ROR2: variants seen among roughly 807,000 people sequenced by gnomAD.
ROR2 encodes the protein ROR family WNT receptor 2.
ROR2 carries 33 observed loss-of-function variants against 74.9 expected under a neutral mutation model. The ratio of observed to expected loss-of-function variants is 0.44; its 90% CI spans 0.33 to 0.59. ROR2 has a LOEUF of 0.59. ROR2 is among the 20% of genes least tolerant of loss of function. ROR2 has a pLI of 0.02. For missense variants in ROR2, 1,216 were observed against 1,313.8 expected, an observed-to-expected ratio of 0.93 and a Z score of 1.15; for synonymous variants, 586 against 558.7, an observed-to-expected ratio of 1.05 and a Z score of -0.69.
intron 1 of ROR2, among the ~76,000 whole-genome samples, chr9:91,840,899 G>GAGACCAT (rs1374100286): frequency 6.6e-6 from 1 of 152,242 alleles, no homozygotes. Flanking sequence ...TGCATTTGTT[G>GAGACCAT]TATCCTATAC....
chr9:91,852,651 C>CACACA (rs1231343818), intron 1 of ROR2, among the ~76,000 whole-genome samples: 4,740 of 143,152 alleles, frequency 0.033, 115 homozygotes, highest in African/African-American at 0.051. Flanking sequence ...ACACACACAC[C>CACACA]CACACACACA....
chr9:91,744,523 C>G (rs1268279901), intron 4 of ROR2, among the ~76,000 whole-genome samples: 2 of 152,132 alleles, frequency 1.3e-5, no homozygotes, highest in Admixed American at 6.5e-5. Context: ...CCACGCCCAG[C>G]TGAAGCTGAA....
intron 1 of ROR2, among the ~76,000 whole-genome samples, chr9:91,939,715 GA>G (rs1156312257): frequency 1.3e-5 from 2 of 152,068 alleles, no homozygotes; most frequent in Non-Finnish European, 2.9e-5. Flanking sequence ...AAAAGAAGAA[GA>G]GGGGCAGTAA....
At chr9:91,761,775 C>CA (rs1174308469) in intron 2 of ROR2, among the ~76,000 whole-genome samples, 3 of 152,118 alleles carry the variant, frequency 2.0e-5, no homozygotes, top group Non-Finnish European at 4.4e-5. Flanking sequence ...AAGGACCTCT[C>CA]AAAAAAGTAT....
intron 6 of ROR2, among the ~76,000 whole-genome samples, chr9:91,732,450 C>T (rs1431769296): frequency 1.3e-5 from 2 of 152,180 alleles, no homozygotes; most frequent in Non-Finnish European, 2.9e-5. Flanking sequence ...AGGCCCCGGG[C>T]TCAGAACTGT....
intron 1 of ROR2, among the ~76,000 whole-genome samples, chr9:91,784,680 T>A (rs1826735868): frequency 6.6e-6 from 1 of 152,244 alleles, no homozygotes; most frequent in Non-Finnish European, 1.5e-5. Context: ...AAATTACATT[T>A]ACAAAGTTTA....
intron 7 of ROR2, among the ~76,000 whole-genome samples, chr9:91,727,551 T>C (rs1837085855): frequency 6.6e-6 from 1 of 152,156 alleles, no homozygotes; most frequent in Admixed American, 6.5e-5. Flanking sequence ...CCAGGCTGCG[T>C]GGCCCCAAGC....
chr9:91,867,503 C>G (rs1340946090), intron 1 of ROR2, among the ~76,000 whole-genome samples: 1 of 152,042 alleles, frequency 6.6e-6, no homozygotes, highest in African/African-American at 2.4e-5. Flanking sequence ...GAGTATGCAG[C>G]CAAACAAGGG....
chr9:91,918,199 C>T (rs1831182843), intron 1 of ROR2, among the ~76,000 whole-genome samples: 1 of 148,702 alleles, frequency 6.7e-6, no homozygotes, highest in Non-Finnish European at 1.5e-5. Flanking sequence ...ATCCGGGAGG[C>T]GGAGCTTGCA....
intron 4 of ROR2, among the ~76,000 whole-genome samples, chr9:91,738,627 T>C (rs1825116526): frequency 6.6e-6 from 1 of 152,194 alleles, no homozygotes; most frequent in African/African-American, 2.4e-5. Flanking sequence ...AAATGTATTC[T>C]CTACTATGTT....
intron 4 of ROR2, among the ~76,000 whole-genome samples, chr9:91,741,859 T>G (rs898112917): frequency 1.3e-5 from 2 of 152,198 alleles, no homozygotes; most frequent in Non-Finnish European, 2.9e-5. Context: ...TCAATACTCT[T>G]TACTTTGAAT....
chr9:91,776,185 C>T (rs981302990), intron 1 of ROR2, among the ~76,000 whole-genome samples: 19 of 152,114 alleles, frequency 1.2e-4, no homozygotes, highest in African/African-American at 2.7e-4. Flanking sequence ...AGCCAGATGC[C>T]GCAGACTGCC....
chr9:91,844,777 CA>C (rs1828875211), intron 1 of ROR2, among the ~76,000 whole-genome samples: 1 of 152,084 alleles, frequency 6.6e-6, no homozygotes. Flanking sequence ...GTTCACGGGT[CA>C]AAAAGGCTGT....
chr9:91,912,847 G>A (rs933699829), intron 1 of ROR2, among the ~76,000 whole-genome samples: 6 of 152,230 alleles, frequency 3.9e-5, no homozygotes, highest in African/African-American at 1.4e-4. Context: ...TAGGCCAGCA[G>A]GCCAGGCGTG....
chr9:91,773,968 G>A (rs1056226763), intron 2 of ROR2, among the ~76,000 whole-genome samples: 5 of 152,170 alleles, frequency 3.3e-5, no homozygotes, highest in African/African-American at 9.7e-5. Flanking sequence ...CCCCAGACCT[G>A]TAAAATCCAC....
intron 1 of ROR2, among the ~76,000 whole-genome samples, chr9:91,883,758 A>G (rs980152253): frequency 3.3e-5 from 5 of 152,166 alleles, no homozygotes; most frequent in African/African-American, 1.2e-4. Flanking sequence ...ACTGCCCATC[A>G]CACCTCTGAA....
chr9:91,879,441 G>GGTGT (rs373884761), intron 1 of ROR2, among the ~76,000 whole-genome samples: 13 of 151,226 alleles, frequency 8.6e-5, no homozygotes, highest in African/African-American at 2.7e-4. Context: ...GGTGTGGGGG[G>GGTGT]GTGTGTGTGT....
intron 1 of ROR2, among the ~76,000 whole-genome samples, chr9:91,784,784 G>A (rs895958975): frequency 6.6e-5 from 10 of 152,134 alleles, no homozygotes; most frequent in South Asian, 2.1e-4. Flanking sequence ...CCCTCCACAT[G>A]TACACACAAA....
intron 1 of ROR2, among the ~76,000 whole-genome samples, chr9:91,836,273 T>C (rs537175123): frequency 2.0e-5 from 3 of 152,120 alleles, no homozygotes; most frequent in Non-Finnish European, 4.4e-5. Flanking sequence ...GGCATCATGG[T>C]TCACGCCTGT....
Sources: allele counts gnomAD v4.1 joint callset (sites outside exome capture counted in the v4.1 genomes callset), GRCh38; gene constraint gnomAD v4.1.1; transcripts MANE v1.5; gene names NCBI Gene and HGNC (gene_info 2026-07-23, HGNC 2026-07-21).